The following DTNA variants were observed in gnomAD, a reference collection of about 807,000 sequenced individuals.
DTNA encodes dystrobrevin alpha, also known as dystrophin-related protein 3.
In DTNA, 43 loss-of-function variants were observed where a neutral mutation model predicts 100.7. The observed-to-expected ratio is 0.43, with a 90% CI of 0.33 to 0.55. DTNA has a LOEUF of 0.55. Among genes scored for constraint, DTNA ranks in the 20% least tolerant of loss-of-function variants. The pLI, the probability that DTNA is intolerant of heterozygous loss-of-function variation, is 0.04. For missense variants in DTNA, 798 were observed against 953.9 expected (o/e 0.84, Z 2.15); for synonymous variants, 349 against 347.9 (o/e 1.00, Z -0.04).
At chr18:34,634,278 A>G (rs2058417890) in intron 1 of DTNA, among the ~76,000 whole-genome samples, 1 of 152,324 alleles carries the variant, frequency 6.6e-6, no homozygotes, top group South Asian at 2.1e-4. Context: ...AAATTATTCA[A>G]AGGACTTCGT....
intron 4 of DTNA, among the ~76,000 whole-genome samples, chr18:34,795,052 G>T (rs1382474785): frequency 6.6e-6 from 1 of 152,106 alleles, no homozygotes. Context: ...AGGGCTTTTT[G>T]CCAATAGCCT....
intron 1 of DTNA, among the ~76,000 whole-genome samples, chr18:34,563,976 T>C (rs2146278123): frequency 6.6e-6 from 1 of 152,168 alleles, no homozygotes; most frequent in East Asian, 1.9e-4. Flanking sequence ...TATGTGTGTG[T>C]GTGTGTAGTG....
At chr18:34,598,079 T>A (rs1351412942) in intron 1 of DTNA, among the ~76,000 whole-genome samples, 1 of 152,194 alleles carries the variant, frequency 6.6e-6, no homozygotes, top group African/African-American at 2.4e-5. Flanking sequence ...TAAACATCAT[T>A]TTTTCTTTTG....
chr18:34,711,104 G>A (rs985718737), intron 1 of DTNA, among the ~76,000 whole-genome samples: 3 of 152,084 alleles, frequency 2.0e-5, no homozygotes, highest in African/African-American at 4.8e-5. Flanking sequence ...TACAACATGG[G>A]TGAGTGCAAA....
chr18:34,692,406 G>A (rs1002853785), intron 1 of DTNA, among the ~76,000 whole-genome samples: 1 of 152,074 alleles, frequency 6.6e-6, no homozygotes, highest in Non-Finnish European at 1.5e-5. Context: ...AAAAACTAGG[G>A]TTCCAATAGC....
intron 1 of DTNA, among the ~76,000 whole-genome samples, chr18:34,587,477 A>T (rs1158372678): frequency 1.3e-5 from 2 of 151,448 alleles, no homozygotes; most frequent in Non-Finnish European, 2.9e-5. Flanking sequence ...AAATAATTAA[A>T]ATCTGCTTTG....
At position 34,882,181 on chromosome 18, in the gene DTNA, C is replaced by T. The variant is rs1280876938; in HGVS notation, c.2275C>T (p.Leu759=). 5 of 1,613,874 alleles carry T rather than the reference C, an allele frequency of 3.1e-6. No homozygotes were observed. In the South Asian group the frequency reaches 3.3e-5, roughly 11 times the overall value. ...GATGGAGGAATACCTGAAACAGAAG[C>T]TGCAAGATGAAGCTTATCAGGTACA... The part of the protein sequence containing the change: ...LQMEEYLKQK[L]QDEAYQVSLQ... The change falls in exon 21 of 23, where the codon CTG becomes TTG. Residue 759 remains leucine (L), a synonymous_variant. Coordinates refer to ENST00000444659, the MANE Select transcript of DTNA (RefSeq NM_001386795.1).
intron 17 of DTNA, 128 bp downstream of exon 17, chr18:34,864,190 A>G: frequency 1.3e-6 from 1 of 798,674 alleles, no homozygotes; most frequent in Non-Finnish European, 2.0e-6. Flanking sequence ...TTTCAAGCTC[A>G]GATGTAAAAC....
chr18:34,608,005 T>A (rs906986659), intron 1 of DTNA, among the ~76,000 whole-genome samples: 10 of 152,154 alleles, frequency 6.6e-5, no homozygotes, highest in African/African-American at 2.2e-4. Context: ...GGATTCCAAA[T>A]CCCTATGATT....
chr18:34,713,281 T>C (rs1352145322), intron 1 of DTNA, among the ~76,000 whole-genome samples: 1 of 152,206 alleles, frequency 6.6e-6, no homozygotes, highest in Non-Finnish European at 1.5e-5. Context: ...ATGGGTAGTA[T>C]GATTCTCAGA....
At chr18:34,818,668 A>AGTTTT (rs950785452) in intron 8 of DTNA, 3 of 1,130,414 alleles carry the variant, frequency 2.7e-6, no homozygotes, top group Non-Finnish European at 3.3e-6. Context: ...ATCTTTTCCA[A>AGTTTT]GTTTTGTTTT....
intron 4 of DTNA, among the ~76,000 whole-genome samples, chr18:34,794,915 A>G (rs2094905142): frequency 6.6e-6 from 1 of 152,174 alleles, no homozygotes; most frequent in Non-Finnish European, 1.5e-5. Flanking sequence ...GCACAAAGAA[A>G]TTGTCACTTG....
At chr18:34,777,734 C>A (rs543330473) in intron 3 of DTNA, among the ~76,000 whole-genome samples, 11 of 152,292 alleles carry the variant, frequency 7.2e-5, no homozygotes, top group African/African-American at 2.6e-4. Context: ...CATGCGAACT[C>A]ACTCACTATT....
At chr18:34,877,574 G>A (rs2096830862) in intron 18 of DTNA, 145 bp from the exon 19 acceptor site, 2 of 646,062 alleles carry the variant, frequency 3.1e-6, no homozygotes, top group South Asian at 3.6e-5. Flanking sequence ...TCTTGTTTCA[G>A]GAAATGAACT....
At position 34,809,446 on chromosome 18, in the gene DTNA, C is replaced by T. The variant is rs143143971; in HGVS notation, c.449-2513C>T. On this transcript the variant is annotated intron_variant, in intron 5 of 22. Transcript: ENST00000444659. Reference sequence around the variant, plus strand: ...ACTGGGCAACAGAGCGAGACTCCATCTCAAAAACACAAATCAAAACAAAAC... The same window carrying T: ...ACTGGGCAACAGAGCGAGACTCCATTTCAAAAACACAAATCAAAACAAAAC... 5.2e-3 allele frequency among the ~76,000 whole-genome samples: 796 copies of T among 152,182 alleles called. 17 individuals carry two copies. The East Asian group carries it at 0.067, about 13-fold the overall frequency.
intron 1 of DTNA, among the ~76,000 whole-genome samples, chr18:34,515,415 G>A (rs1300126933): frequency 6.6e-6 from 1 of 152,028 alleles, no homozygotes. Context: ...AAGGGTGTTA[G>A]TACCTTGGTC....
chr18:34,774,757 T>G (rs1288113616), intron 3 of DTNA, among the ~76,000 whole-genome samples: 1 of 152,198 alleles, frequency 6.6e-6, no homozygotes, highest in East Asian at 1.9e-4. Flanking sequence ...AAAAGAGAGA[T>G]AGAAGTTGGT....
chr18:34,619,567 G>A (rs965677571), intron 1 of DTNA, among the ~76,000 whole-genome samples: 1 of 152,156 alleles, frequency 6.6e-6, no homozygotes, highest in African/African-American at 2.4e-5. Context: ...AAGATTGGAT[G>A]GGAGGTCAGG....
chr18:34,813,851 A>C (rs991768208), intron 6 of DTNA, among the ~76,000 whole-genome samples: 44 of 152,130 alleles, frequency 2.9e-4, no homozygotes, highest in South Asian at 6.2e-4. Flanking sequence ...CAAAAAAAAA[A>C]AAAAAAAAAA....
Sources: gnomAD v4.1 joint callset for allele counts (sites outside exome capture counted in the v4.1 genomes callset) on GRCh38, gnomAD v4.1.1 for gene constraint, MANE v1.5 for transcripts, NCBI Gene and HGNC (gene_info 2026-07-23, HGNC 2026-07-21) for gene names.